The following KLRG1 variants were observed in gnomAD, a reference collection of about 807,000 sequenced individuals.
KLRG1 encodes the protein killer cell lectin-like receptor subfamily G member 1.
A neutral mutation model predicts 21.8 loss-of-function variants in KLRG1; 16 were observed. That is an observed-to-expected ratio of 0.73 (90% CI 0.50 to 1.11). The LOEUF (loss-of-function observed/expected upper bound fraction) is 1.11. KLRG1 is among the 50% of genes most tolerant of loss of function. The pLI is 0.00. For missense variants in KLRG1, 173 were observed against 218.3 expected (o/e 0.79, Z 1.31); for synonymous variants, 69 against 75.9 (o/e 0.91, Z 0.47).
At chr12:9,077,966 T>G in the KLRG1 span, 1 of 1,290,380 alleles carries the variant, frequency 7.7e-7, no homozygotes, top group Non-Finnish European at 1.1e-6. Context: ...AATTCTTGTG[T>G]ACTTAGAGAG....
the KLRG1 span, chr12:9,163,616 C>A: frequency 6.3e-7 from 1 of 1,593,096 alleles, no homozygotes; most frequent in East Asian, 2.2e-5. Context: ...TCAAGAGTGA[C>A]CGCCCGGTGT....
chr12:9,136,391 T>G, the KLRG1 span, among the ~76,000 whole-genome samples: 1 of 152,246 alleles, frequency 6.6e-6, no homozygotes, highest in Non-Finnish European at 1.5e-5. Flanking sequence ...GGTATACATT[T>G]GTACAGTTCG....
At chr12:8,988,280 A>G (rs1297259492), upstream of KLRG1, 1 of 152,152 alleles carries the variant, frequency 6.6e-6, no homozygotes, top group Non-Finnish European at 1.5e-5. Flanking sequence ...AAGTGGTCCT[A>G]GATAGAAAGC....
At chr12:9,166,301 C>T in the KLRG1 span, 1 of 1,140,192 alleles carries the variant, frequency 8.8e-7, no homozygotes, top group East Asian at 2.5e-5. Flanking sequence ...TTTTCCTGCT[C>T]AGACTGTCCT....
the KLRG1 span, among the ~76,000 whole-genome samples, chr12:9,029,443 TA>T: frequency 6.6e-6 from 1 of 152,042 alleles, no homozygotes; most frequent in African/African-American, 2.4e-5. Context: ...CTCGAACTCC[TA>T]ACCTCAAATG....
At chr12:9,022,240 C>T in the KLRG1 span, among the ~76,000 whole-genome samples, 25 of 152,282 alleles carry the variant, frequency 1.6e-4, no homozygotes, top group South Asian at 4.6e-3. Flanking sequence ...TATACTTTTA[C>T]GTGACTGGCA....
chr12:9,138,833 C>T, the KLRG1 span, among the ~76,000 whole-genome samples: 1 of 151,328 alleles, frequency 6.6e-6, no homozygotes, highest in Non-Finnish European at 1.5e-5. Context: ...AATGTATCTT[C>T]TTTCATTTCT....
At chr12:9,082,254 C>T in the KLRG1 span, among the ~76,000 whole-genome samples, 1 of 152,208 alleles carries the variant, frequency 6.6e-6, no homozygotes, top group Non-Finnish European at 1.5e-5. Flanking sequence ...CTCTACCTAA[C>T]CTCACAGCCC....
chr12:9,127,806 G>A, the KLRG1 span: 2,513 of 218,072 alleles, frequency 0.012, 65 homozygotes, highest in African/African-American at 0.056. Context: ...TGGACAAGGT[G>A]CGGGCTCTGG....
chr12:9,059,467 A>C, the KLRG1 span, among the ~76,000 whole-genome samples: 10 of 152,228 alleles, frequency 6.6e-5, no homozygotes, highest in Admixed American at 6.5e-4. Flanking sequence ...GATTAAAAAA[A>C]TCCAAACACC....
chr12:9,185,347 A>C, the KLRG1 span, among the ~76,000 whole-genome samples: 1 of 152,206 alleles, frequency 6.6e-6, no homozygotes, highest in Non-Finnish European at 1.5e-5. Context: ...CACAAAATTG[A>C]CTTTCTGCAA....
chr12:9,079,383 G>A, the KLRG1 span: 10 of 1,540,234 alleles, frequency 6.5e-6, no homozygotes, highest in Non-Finnish European at 9.0e-6. Flanking sequence ...GCATGCTGAG[G>A]GTGGAGAAAT....
chr12:9,124,395 C>T, the KLRG1 span, among the ~76,000 whole-genome samples: 1 of 152,078 alleles, frequency 6.6e-6, no homozygotes, highest in Non-Finnish European at 1.5e-5. Context: ...GTAGGAGCCC[C>T]GCCCAAACTG....
chr12:9,152,783 C>T, the KLRG1 span: 19 of 1,589,308 alleles, frequency 1.2e-5, no homozygotes, highest in Non-Finnish European at 1.5e-5. Flanking sequence ...TTCCAAGTTG[C>T]TTTTGGGCCA....
chr12:9,037,994 C>G, the KLRG1 span, among the ~76,000 whole-genome samples: 1 of 152,218 alleles, frequency 6.6e-6, no homozygotes, highest in African/African-American at 2.4e-5. Flanking sequence ...TGCAGTGGCT[C>G]ATGCTTGTAA....
At chr12:8,959,984 A>G (rs1394589301) in intron 1 of KLRG1, among the ~76,000 whole-genome samples, 1 of 152,198 alleles carries the variant, frequency 6.6e-6, no homozygotes, top group Non-Finnish European at 1.5e-5. Context: ...ATCTATTTTC[A>G]GACTTCTGGA....
the KLRG1 span, among the ~76,000 whole-genome samples, chr12:9,117,098 G>A: frequency 6.6e-6 from 1 of 152,138 alleles, no homozygotes; most frequent in African/African-American, 2.4e-5. Context: ...GATGAAAAGA[G>A]CTTTCTAAGC....
At chr12:9,077,023 G>GT in the KLRG1 span, 1 of 1,326,536 alleles carries the variant, frequency 7.5e-7, no homozygotes, top group Non-Finnish European at 1.0e-6. Flanking sequence ...CAGCACAGAA[G>GT]TTTTTCAAAC....
the KLRG1 span, among the ~76,000 whole-genome samples, chr12:9,017,056 G>A: frequency 3.3e-5 from 5 of 151,726 alleles, no homozygotes; most frequent in Admixed American, 1.3e-4. Context: ...GCAAGGTCAG[G>A]AGTTCAAGAC....
Sources: gnomAD v4.1 joint callset for allele counts (sites outside exome capture counted in the v4.1 genomes callset) on GRCh38, gnomAD v4.1.1 for gene constraint, MANE v1.5 for transcripts, NCBI Gene and HGNC (gene_info 2026-07-23, HGNC 2026-07-21) for gene names.